VAV2: variants seen among roughly 807,000 people sequenced by gnomAD.
VAV2 encodes the protein guanine nucleotide exchange factor VAV2.
In VAV2, 67 loss-of-function variants were observed where a neutral mutation model predicts 132.5. That is an observed-to-expected ratio of 0.51 (90% CI 0.42 to 0.62). The LOEUF is 0.62. Ranked by LOEUF, VAV2 falls within the 20% of genes least tolerant of loss-of-function variation. VAV2 has a pLI of 0.00. For missense variants in VAV2, 938 were observed against 1,153.6 expected (o/e 0.81, Z 2.71); for synonymous variants, 492 against 443.5 (o/e 1.11, Z -1.37).
intron 2 of VAV2, among the ~76,000 whole-genome samples, chr9:133,878,102 G>A (rs12338811): frequency 0.024 from 3,619 of 152,290 alleles, 71 homozygotes; most frequent in African/African-American, 0.059. Flanking sequence ...CTCAGCAGGC[G>A]AAGTCTCTTT....
chr9:133,895,138 G>C (rs571202794), intron 2 of VAV2, among the ~76,000 whole-genome samples: 257 of 152,302 alleles, frequency 1.7e-3, no homozygotes, highest in Non-Finnish European at 2.2e-3. Context: ...GGGCAGGGGA[G>C]GGGGACAGGG....
intron 4 of VAV2, among the ~76,000 whole-genome samples, chr9:133,820,594 G>A (rs964723517): frequency 6.6e-6 from 1 of 152,086 alleles, no homozygotes; most frequent in Non-Finnish European, 1.5e-5. Flanking sequence ...CAAAGTGCTG[G>A]GATTACAGGC....
intron 1 of VAV2, among the ~76,000 whole-genome samples, chr9:133,966,511 GCCT>G (rs1842145180): frequency 6.6e-6 from 1 of 152,180 alleles, no homozygotes; most frequent in Non-Finnish European, 1.5e-5. Context: ...TTCGAGACTG[GCCT>G]GTGCAATATG....
chr9:133,933,265 C>A (rs1840748452), intron 2 of VAV2, among the ~76,000 whole-genome samples: 1 of 152,284 alleles, frequency 6.6e-6, no homozygotes, highest in Non-Finnish European at 1.5e-5. Flanking sequence ...TCACTCCTCT[C>A]TCCTACCATT....
At chr9:133,975,308 A>C (rs1842470758) in intron 1 of VAV2, among the ~76,000 whole-genome samples, 1 of 152,114 alleles carries the variant, frequency 6.6e-6, no homozygotes, top group Non-Finnish European at 1.5e-5. Context: ...TGTCACCCAC[A>C]GCAGGAACTT....
At chr9:133,915,642 G>A (rs373606488) in intron 2 of VAV2, among the ~76,000 whole-genome samples, 24 of 151,774 alleles carry the variant, frequency 1.6e-4, no homozygotes, top group African/African-American at 5.3e-4. Context: ...ACACGCACAC[G>A]ATGTACATGT....
chr9:133,966,287 T>C (rs1390342367), intron 1 of VAV2, among the ~76,000 whole-genome samples: 2 of 152,182 alleles, frequency 1.3e-5, no homozygotes, highest in Non-Finnish European at 2.9e-5. Context: ...CAAATGGGAT[T>C]ACATCAAGCT....
intron 18 of VAV2, 150 bp from the exon 19 acceptor site, chr9:133,783,741 C>A (rs1208966646): frequency 6.9e-5 from 48 of 692,764 alleles, no homozygotes; most frequent in Middle Eastern, 3.2e-4. Flanking sequence ...TATCCAGGAC[C>A]CTCCCTTACC....
At chr9:133,764,540 C>T (rs772612582) in intron 29 of VAV2, among the ~76,000 whole-genome samples, 5 of 152,046 alleles carry the variant, frequency 3.3e-5, no homozygotes, top group Non-Finnish European at 7.4e-5. Context: ...TTTAAGAAAA[C>T]GGATGAAAAG....
chr9:133,786,657 C>T (rs1366132429), intron 16 of VAV2, among the ~76,000 whole-genome samples: 1 of 152,240 alleles, frequency 6.6e-6, no homozygotes, highest in Non-Finnish European at 1.5e-5. Flanking sequence ...CCTGGGGCAC[C>T]CCCCGTGAAG....
At chr9:133,789,567 T>G (rs1183605539) in intron 13 of VAV2, among the ~76,000 whole-genome samples, 1 of 152,186 alleles carries the variant, frequency 6.6e-6, no homozygotes, top group Non-Finnish European at 1.5e-5. Context: ...CTCCCTTTCC[T>G]GGCCAGCCCT....
intron 2 of VAV2, among the ~76,000 whole-genome samples, chr9:133,895,645 T>G (rs908175372): frequency 1.9e-4 from 29 of 150,992 alleles, no homozygotes; most frequent in Non-Finnish European, 2.8e-4. Flanking sequence ...TGGGGAAATT[T>G]GGGGGGGATG....
intron 2 of VAV2, among the ~76,000 whole-genome samples, chr9:133,925,688 C>T (rs1328010810): frequency 6.6e-6 from 1 of 152,150 alleles, no homozygotes; most frequent in African/African-American, 2.4e-5. Context: ...ATTCCAGAGC[C>T]GCTGCCTTCC....
intron 9 of VAV2, among the ~76,000 whole-genome samples, chr9:133,800,396 G>C (rs1296033508): frequency 6.6e-6 from 1 of 152,232 alleles, no homozygotes; most frequent in Non-Finnish European, 1.5e-5. Flanking sequence ...GTCTGGGCTG[G>C]GGAGAAGGAA....
intron 1 of VAV2, among the ~76,000 whole-genome samples, chr9:133,978,977 G>C (rs531108012): frequency 1.6e-4 from 24 of 152,360 alleles, no homozygotes; most frequent in Middle Eastern, 3.4e-3. Context: ...CAGGGCAGGG[G>C]AGTTCGCTGG....
intron 23 of VAV2, among the ~76,000 whole-genome samples, chr9:133,776,749 C>A (rs1833828025): frequency 6.6e-6 from 1 of 152,116 alleles, no homozygotes; most frequent in Non-Finnish European, 1.5e-5. Flanking sequence ...AGGTAGCACA[C>A]AGGCGGACGG....
chr9:133,920,954 G>A (rs999715513), intron 2 of VAV2, among the ~76,000 whole-genome samples: 2 of 152,246 alleles, frequency 1.3e-5, no homozygotes, highest in African/African-American at 4.8e-5. Flanking sequence ...GGGGGGCCCT[G>A]CTATCGTGCG....
chr9:133,912,775 T>C lies in VAV2; in HGVS notation c.321+26328A>G, dbSNP rs1387330732. On this transcript the variant is annotated intron_variant, in intron 2 of 29. Coordinates refer to ENST00000371850, the MANE Select transcript of VAV2 (RefSeq NM_001134398.2). This position sits in a 1 kb window ranked among gnomAD's most constrained non-coding sequence, Gnocchi z 4.3. ...CTGCACTAAGCTAATAAGTACTTGTTCAGCCCCTCTAAAATCACAATCGTC... is the reference window on the plus strand; with the variant it reads ...CTGCACTAAGCTAATAAGTACTTGTCCAGCCCCTCTAAAATCACAATCGTC... Among the ~76,000 whole-genome samples the C allele has an allele frequency of 2.0e-5, 3 of 152,186 alleles. No homozygotes were observed. Among genetic ancestry groups the C allele is most frequent in the African/African-American group, 7.2e-5 (3 of 41,446 alleles).
chr9:133,954,799 G>A (rs7863294), intron 1 of VAV2, among the ~76,000 whole-genome samples: 2,150 of 152,248 alleles, frequency 0.014, 55 homozygotes, highest in African/African-American at 0.049. Context: ...TGCTCATGAT[G>A]TATGTACCAG....
Sources: gnomAD v4.1 joint callset for allele counts (sites outside exome capture counted in the v4.1 genomes callset) on GRCh38, gnomAD v4.1.1 for gene constraint, Gnocchi (gnomAD v3.1) non-coding constraint, MANE v1.5 for transcripts, NCBI Gene and HGNC (gene_info 2026-07-23, HGNC 2026-07-21) for gene names.